IGF1R: variants seen among roughly 807,000 people sequenced by gnomAD.
The protein encoded by IGF1R is insulin like growth factor 1 receptor.
A neutral mutation model predicts 144.6 loss-of-function variants in IGF1R; 44 were observed. The ratio of observed to expected loss-of-function variants is 0.30; its 90% CI spans 0.24 to 0.39. The LOEUF is 0.39. Ranked by LOEUF, IGF1R falls within the 10% of genes least tolerant of loss-of-function variation. The probability of loss-of-function intolerance (pLI) is 1.00; values close to 1 mark genes in which losing one functional copy is unlikely to be tolerated. For missense variants in IGF1R, 1,355 were observed against 1,833.7 expected, an observed-to-expected ratio of 0.74 and a Z score of 4.77; for synonymous variants, 795 against 722.8, an observed-to-expected ratio of 1.10 and a Z score of -1.60.
In IGF1R at chr15:98,878,663, C is replaced by CAAAAAAAAAA. The variant is rs138285597; in HGVS notation, c.641-12639_641-12630dup. On this transcript the variant is annotated intron_variant, in intron 2 of 20. Transcript: ENST00000650285. ...TCTCTCTTCTTATTTGTGAAAGACTCAAAAAAAAAAAAAAAAAAAAAAAAA... is the reference window on the plus strand; with the variant it reads ...TCTCTCTTCTTATTTGTGAAAGACTCAAAAAAAAAAAAAAAAAAAAAAAAAAAAAAAAAAA... 4.3e-4 allele frequency among the ~76,000 whole-genome samples: 25 copies of CAAAAAAAAAA among 57,900 alleles called. 1 individual carries two copies. The highest frequency in any genetic ancestry group is 1.6e-3 in the African/African-American group (15 of 9,622). 38.0% of individuals were successfully genotyped at this position (57,900 alleles called of 152,430 possible).
At chr15:98,664,988 C>T (rs1161627447) in intron 1 of IGF1R, among the ~76,000 whole-genome samples, 4 of 138,146 alleles carry the variant, frequency 2.9e-5, no homozygotes, top group South Asian at 2.4e-4. Context: ...GATGGAATCT[C>T]GCTCTGTCGT....
At chr15:98,880,794 T>A (rs2013331657) in intron 2 of IGF1R, 2 of 152,198 alleles carry the variant, frequency 1.3e-5, no homozygotes, top group South Asian at 4.1e-4. Context: ...GGGTCACTGC[T>A]CAATTGCAAC....
chr15:98,757,270 T>C (rs984741982), intron 2 of IGF1R, among the ~76,000 whole-genome samples: 1 of 152,114 alleles, frequency 6.6e-6, no homozygotes, highest in African/African-American at 2.4e-5. Flanking sequence ...TTCAAGTGGT[T>C]CTCCTGCCTC....
intron 2 of IGF1R, among the ~76,000 whole-genome samples, chr15:98,749,327 A>G (rs190886951): frequency 1.3e-3 from 200 of 152,258 alleles, no homozygotes; most frequent in Non-Finnish European, 2.4e-3. Flanking sequence ...TGTATCTTAA[A>G]TATTTGTATT....
chr15:98,757,512 G>GT (rs965006395), intron 2 of IGF1R, among the ~76,000 whole-genome samples: 1 of 151,944 alleles, frequency 6.6e-6, no homozygotes, highest in African/African-American at 2.4e-5. Flanking sequence ...AATGCTTAGT[G>GT]TATTTATCTG....
intron 2 of IGF1R, among the ~76,000 whole-genome samples, chr15:98,762,433 A>C (rs943639453): frequency 2.0e-5 from 3 of 152,134 alleles, no homozygotes; most frequent in Non-Finnish European, 4.4e-5. Context: ...TATTTCAAAA[A>C]TACATATATT....
chr15:98,935,260 G>C lies in IGF1R; in HGVS notation c.3187-56G>C. On this transcript the variant is annotated intron_variant, in intron 16 of 20. Coordinates refer to ENST00000650285, the MANE Select transcript of IGF1R (RefSeq NM_000875.5). The surrounding 1 kb of genome is among the most constrained non-coding windows in gnomAD (Gnocchi z 4.2). ...CACAGAGACAGTTCCAGACAACACA[G>C]GCATCAGCAAGGGCCACCTGACCCT... The C allele has an allele frequency of 2.8e-6, 3 of 1,085,866 alleles. No individual in the cohort carries two copies. 67.3% of individuals were successfully genotyped at this position (1,085,866 alleles called of 1,614,324 possible).
chr15:98,651,576 C>CA (rs560055976), intron 1 of IGF1R, among the ~76,000 whole-genome samples: 19 of 152,190 alleles, frequency 1.2e-4, no homozygotes, highest in Non-Finnish European at 2.5e-4. Flanking sequence ...TTCTGAAATT[C>CA]AAAACAGCAG....
At chr15:98,751,194 T>C (rs1409092633) in intron 2 of IGF1R, among the ~76,000 whole-genome samples, 3 of 152,180 alleles carry the variant, frequency 2.0e-5, no homozygotes, top group Non-Finnish European at 4.4e-5. Flanking sequence ...CATACACTCC[T>C]TATTAGCTTA....
chr15:98,672,286 TG>T, intron 1 of IGF1R, among the ~76,000 whole-genome samples: 1 of 152,272 alleles, frequency 6.6e-6, no homozygotes, highest in East Asian at 1.9e-4. Flanking sequence ...TAGATAAGGC[TG>T]GGTGCCATGG....
At chr15:98,936,853 C>G (rs1160410932) in intron 17 of IGF1R, among the ~76,000 whole-genome samples, 4 of 152,092 alleles carry the variant, frequency 2.6e-5, no homozygotes, top group African/African-American at 9.7e-5. Flanking sequence ...TCCTGGTTCA[C>G]TCACTCACTT....
chr15:98,857,153 C>T (rs368509290), intron 2 of IGF1R, among the ~76,000 whole-genome samples: 16 of 152,276 alleles, frequency 1.1e-4, no homozygotes, highest in African/African-American at 3.8e-4. Context: ...AAAGCTGATG[C>T]TTTAAAGAAG....
At chr15:98,664,265 C>T (rs936590707) in intron 1 of IGF1R, among the ~76,000 whole-genome samples, 1 of 152,152 alleles carries the variant, frequency 6.6e-6, no homozygotes, top group African/African-American at 2.4e-5. Context: ...ACACCATTCC[C>T]CTCTGAGATG....
At chr15:98,876,428 A>G (rs2013065722) in intron 2 of IGF1R, among the ~76,000 whole-genome samples, 1 of 152,162 alleles carries the variant, frequency 6.6e-6, no homozygotes. Flanking sequence ...AGAGTTGCCA[A>G]TATGATTGGA....
chr15:98,691,759 A>G (rs1004853343), intron 1 of IGF1R, among the ~76,000 whole-genome samples: 4 of 152,180 alleles, frequency 2.6e-5, no homozygotes, highest in African/African-American at 9.7e-5. Flanking sequence ...AGCATGACCT[A>G]TCACCATTGT....
chr15:98,697,365 G>A (rs527909090), intron 1 of IGF1R, among the ~76,000 whole-genome samples: 44 of 152,308 alleles, frequency 2.9e-4, no homozygotes, highest in Admixed American at 1.7e-3. Flanking sequence ...GGTTGCATGC[G>A]GGCGTCCACC....
intron 1 of IGF1R, among the ~76,000 whole-genome samples, chr15:98,686,621 T>C (rs921135266): frequency 6.6e-6 from 1 of 152,172 alleles, no homozygotes; most frequent in South Asian, 2.1e-4. Context: ...TATCTCATTA[T>C]GGTTTTGATG....
intron 2 of IGF1R, among the ~76,000 whole-genome samples, chr15:98,738,778 C>G (rs1252350937): frequency 1.3e-5 from 2 of 152,144 alleles, no homozygotes; most frequent in Non-Finnish European, 2.9e-5. Flanking sequence ...CACAGTTTGC[C>G]GGTCATTTCC....
chr15:98,739,719 G>A (rs1411685938), intron 2 of IGF1R, among the ~76,000 whole-genome samples: 1 of 152,158 alleles, frequency 6.6e-6, no homozygotes, highest in African/African-American at 2.4e-5. Flanking sequence ...AGTCTCCCGA[G>A]TAGCTGGAAC....
Sources: allele counts gnomAD v4.1 joint callset (sites outside exome capture counted in the v4.1 genomes callset), GRCh38; gene constraint gnomAD v4.1.1; non-coding constraint Gnocchi (gnomAD v3.1); transcripts MANE v1.5; gene names NCBI Gene and HGNC (gene_info 2026-07-23, HGNC 2026-07-21).